TSPAN9: variants seen among roughly 807,000 people sequenced by gnomAD.
The protein encoded by TSPAN9 is tetraspanin-9.
A neutral mutation model predicts 31.0 loss-of-function variants in TSPAN9; 16 were observed. The observed-to-expected ratio is 0.52, with a 90% CI of 0.35 to 0.78. The LOEUF (loss-of-function observed/expected upper bound fraction) is 0.78, where lower values mean the gene tolerates loss of function less well. Among genes scored for constraint, TSPAN9 ranks in the 30% least tolerant of loss-of-function variants. TSPAN9 has a pLI of 0.01. For missense variants in TSPAN9, 272 were observed against 312.5 expected (o/e 0.87, Z 0.98); for synonymous variants, 145 against 121.6 (o/e 1.19, Z -1.27).
At chr12:3,137,674 G>A (rs1390174702) in intron 2 of TSPAN9, among the ~76,000 whole-genome samples, 1 of 152,102 alleles carries the variant, frequency 6.6e-6, no homozygotes, top group Non-Finnish European at 1.5e-5. Flanking sequence ...CGTCCTCCCT[G>A]TTGTGCTCCT....
At chr12:3,273,761 G>C (rs1862729201) in intron 3 of TSPAN9, among the ~76,000 whole-genome samples, 1 of 152,160 alleles carries the variant, frequency 6.6e-6, no homozygotes, top group South Asian at 2.1e-4. Flanking sequence ...TCAGAGGTCA[G>C]CTTCCTGACT....
rs117815499 is a variant in TSPAN9, at chr12:3,117,909, G to A, written c.-18+34190G>A. On this transcript the variant is annotated intron_variant, in intron 2 of 8. Coordinates refer to ENST00000011898, the MANE Select transcript of TSPAN9 (RefSeq NM_006675.5). ...AGTGGCTGCTGGTCCTGGGACCTGC[G>A]GAGCTGTCACCTCAGGGCTGGGAGG... Among the ~76,000 whole-genome samples the A allele has an allele frequency of 3.1e-3, 466 of 152,170 alleles. 4 individuals are homozygous for A. The South Asian group carries it at 0.039, about 13-fold the overall frequency.
intron 2 of TSPAN9, among the ~76,000 whole-genome samples, chr12:3,199,674 G>C (rs1228707912): frequency 6.6e-6 from 1 of 152,194 alleles, no homozygotes; most frequent in Non-Finnish European, 1.5e-5. Context: ...CGAGAACGCG[G>C]GGCAAGGGTT....
chr12:3,152,927 A>G (rs2098340538), intron 2 of TSPAN9, among the ~76,000 whole-genome samples: 1 of 152,116 alleles, frequency 6.6e-6, no homozygotes, highest in Admixed American at 6.5e-5. Context: ...GAAGACAGGG[A>G]CTCTGAAACC....
chr12:3,233,944 G>C (rs1479972893), intron 3 of TSPAN9, among the ~76,000 whole-genome samples: 1 of 152,184 alleles, frequency 6.6e-6, no homozygotes, highest in Non-Finnish European at 1.5e-5. Flanking sequence ...GCAAGAGCCA[G>C]GTTCCTTCCA....
At chr12:3,231,329 C>G (rs2098390662) in intron 3 of TSPAN9, among the ~76,000 whole-genome samples, 1 of 152,094 alleles carries the variant, frequency 6.6e-6, no homozygotes, top group African/African-American at 2.4e-5. Flanking sequence ...TCACTTGAGC[C>G]CTAGGATACC....
chr12:3,079,569 C>G (rs920985658), intron 1 of TSPAN9, among the ~76,000 whole-genome samples: 8 of 152,154 alleles, frequency 5.3e-5, no homozygotes, highest in Middle Eastern at 3.2e-3. Flanking sequence ...TCAAGTGATT[C>G]TCCTGCCTCA....
chr12:3,079,114 G>T (rs1192836691), intron 1 of TSPAN9, among the ~76,000 whole-genome samples: 1 of 151,916 alleles, frequency 6.6e-6, no homozygotes, highest in Non-Finnish European at 1.5e-5. Flanking sequence ...CGAGTAGCTG[G>T]GATTACAGGC....
In TSPAN9 at chr12:3,274,858, G is replaced by A. The variant is rs117702079; in HGVS notation, c.64-3563G>A. ...CTCACTGGGCAGACGTGCACCATGC[G>A]TGGAGTTGTGCCAGGCGGGAGCTGT... On this transcript the variant is annotated intron_variant, in intron 3 of 8. Transcript: ENST00000011898. Among the ~76,000 whole-genome samples, 377 of 152,368 alleles carry A rather than the reference G, an allele frequency of 2.5e-3. 11 individuals are homozygous for A. In the East Asian group the frequency reaches 0.056, roughly 23 times the overall value.
At chr12:3,136,413 T>C (rs930445139) in intron 2 of TSPAN9, among the ~76,000 whole-genome samples, 2 of 152,140 alleles carry the variant, frequency 1.3e-5, no homozygotes, top group African/African-American at 4.8e-5. Context: ...CTCAAATGCC[T>C]TGTCTCATTG....
In TSPAN9 at chr12:3,246,492, C is replaced by T. The variant is rs186064525; in HGVS notation, c.64-31929C>T. On this transcript the variant is annotated intron_variant, in intron 3 of 8. Transcript: ENST00000011898. ...GAACACTGTTTCCTTCCTGAGGATG[C>T]ATCCTCTTTCCCTGGGCAGGGAAAG... 1.1e-3 allele frequency among the ~76,000 whole-genome samples: 171 copies of T among 152,288 alleles called. 2 individuals carry two copies. In the East Asian group the frequency reaches 0.025, roughly 22 times the overall value.
intron 2 of TSPAN9, among the ~76,000 whole-genome samples, chr12:3,175,621 T>TA (rs11455179): frequency 0.9 from 137,467 of 152,166 alleles, 62,582 homozygotes; most frequent in South Asian, 0.98. Context: ...TGGAGGCCTC[T>TA]AAGTGAGCAG....
chr12:3,099,840 CTTTTTTT>C (rs899603509), intron 2 of TSPAN9, among the ~76,000 whole-genome samples: 25 of 123,676 alleles, frequency 2.0e-4, no homozygotes, highest in Non-Finnish European at 1.5e-4. Context: ...TCTGTCCACT[CTTTTTTT>C]TTTTTTTTTT....
At chr12:3,094,253 T>C (rs2098306596) in intron 2 of TSPAN9, among the ~76,000 whole-genome samples, 1 of 152,166 alleles carries the variant, frequency 6.6e-6, no homozygotes, top group Admixed American at 6.5e-5. Flanking sequence ...CTTTTGGAGA[T>C]GAAATCTAAG....
rs544660446 is a variant in TSPAN9, at chr12:3,143,522, A to G, written c.-17-57655A>G. On this transcript the variant is annotated intron_variant, in intron 2 of 8. Coordinates refer to ENST00000011898, the MANE Select transcript of TSPAN9 (RefSeq NM_006675.5). This position sits in a 1 kb window ranked among gnomAD's most constrained non-coding sequence, Gnocchi z 4.2. ...AAGAGCTATTTCTTCTGTCCCACTTATTTATTCAATTAGTTATTTTTATCA... is the reference window on the plus strand; with the variant it reads ...AAGAGCTATTTCTTCTGTCCCACTTGTTTATTCAATTAGTTATTTTTATCA... Among the ~76,000 whole-genome samples, 257 of 152,106 alleles carry G rather than the reference A, an allele frequency of 1.7e-3. 10 individuals are homozygous for G. The South Asian group carries it at 0.052, about 31-fold the overall frequency.
chr12:3,116,504 A>T (rs996469980), intron 2 of TSPAN9, among the ~76,000 whole-genome samples: 1 of 152,118 alleles, frequency 6.6e-6, no homozygotes, highest in Non-Finnish European at 1.5e-5. Context: ...CAAAACCGAG[A>T]AAGAGCCCTC....
At chr12:3,100,051 C>T (rs895693138) in intron 2 of TSPAN9, among the ~76,000 whole-genome samples, 2 of 152,010 alleles carry the variant, frequency 1.3e-5, no homozygotes, top group African/African-American at 4.8e-5. Context: ...CCATGTTAGC[C>T]GGGATGGTCT....
Position 3,147,286 on chromosome 12 carries a change from G to T in TSPAN9, c.-17-53891G>T, listed in dbSNP as rs1033212097. ...GTCCCTGCCCTGGGATGAGGAGCCC[G>T]CCAGGGGCTGGAGAGAATGACAGGC... On this transcript the variant is annotated intron_variant, in intron 2 of 8. Coordinates refer to ENST00000011898, the MANE Select transcript of TSPAN9 (RefSeq NM_006675.5). The surrounding 1 kb of genome is among the most constrained non-coding windows in gnomAD (Gnocchi z 4.3). 6.6e-6 allele frequency among the ~76,000 whole-genome samples: 1 copy of T among 152,130 alleles called. No individual in the cohort carries two copies. Among genetic ancestry groups the T allele is most frequent in the Non-Finnish European group, 1.5e-5 (1 of 68,020 alleles).
At chr12:3,211,241 A>C (rs1486227187) in intron 3 of TSPAN9, among the ~76,000 whole-genome samples, 1 of 152,124 alleles carries the variant, frequency 6.6e-6, no homozygotes, top group Non-Finnish European at 1.5e-5. Context: ...TTTCCTCCAT[A>C]GCTCCATTGA....
Sources: gnomAD v4.1 joint callset for allele counts (sites outside exome capture counted in the v4.1 genomes callset) on GRCh38, gnomAD v4.1.1 for gene constraint, Gnocchi (gnomAD v3.1) non-coding constraint, MANE v1.5 for transcripts, NCBI Gene and HGNC (gene_info 2026-07-23, HGNC 2026-07-21) for gene names.